GPR158: variants seen among roughly 807,000 people sequenced by gnomAD.
GPR158 encodes metabotropic glycine receptor.
A neutral mutation model predicts 78.2 loss-of-function variants in GPR158; 30 were observed. The ratio of observed to expected loss-of-function variants is 0.38; its 90% CI spans 0.29 to 0.52. The LOEUF is 0.52. GPR158 is among the 20% of genes least tolerant of loss of function. GPR158 has a pLI of 0.83. For missense variants in GPR158, 1,463 were observed against 1,523.5 expected, an observed-to-expected ratio of 0.96 and a Z score of 0.66; for synonymous variants, 581 against 591.1, an observed-to-expected ratio of 0.98 and a Z score of 0.25.
intron 2 of GPR158, among the ~76,000 whole-genome samples, chr10:25,296,751 T>A (rs1405297771): frequency 6.6e-6 from 1 of 152,206 alleles, no homozygotes; most frequent in Non-Finnish European, 1.5e-5. Context: ...ACTATTATTA[T>A]CTTCATTTTA....
intron 7 of GPR158, among the ~76,000 whole-genome samples, chr10:25,576,568 TGAC>T (rs1417958989): frequency 6.6e-6 from 1 of 152,108 alleles, no homozygotes; most frequent in East Asian, 1.9e-4. Context: ...TAGAGAGTAA[TGAC>T]GACCCTGAGA....
At chr10:25,216,511 C>T (rs1853217241) in intron 1 of GPR158, among the ~76,000 whole-genome samples, 2 of 152,084 alleles carry the variant, frequency 1.3e-5, no homozygotes, top group Non-Finnish European at 2.9e-5. Flanking sequence ...CCTTGCTTCT[C>T]TCATGTCTGT....
At chr10:25,364,304 C>T (rs1855686599) in intron 2 of GPR158, among the ~76,000 whole-genome samples, 1 of 151,892 alleles carries the variant, frequency 6.6e-6, no homozygotes, top group African/African-American at 2.4e-5. Context: ...TAAAGAATGT[C>T]ATGACCAGGG....
chr10:25,418,326 C>T (rs983771469), intron 4 of GPR158, among the ~76,000 whole-genome samples: 1 of 152,128 alleles, frequency 6.6e-6, no homozygotes, highest in Non-Finnish European at 1.5e-5. Flanking sequence ...AACATTTTAT[C>T]ATTTTAAATG....
chr10:25,493,815 C>T (rs1379967198), intron 5 of GPR158, among the ~76,000 whole-genome samples: 1 of 152,114 alleles, frequency 6.6e-6, no homozygotes, highest in Non-Finnish European at 1.5e-5. Context: ...TTAGTCAGAT[C>T]CAGATTGTTT....
rs201566089 is a variant in GPR158, at chr10:25,228,319, TAA to T, written c.1008+7164_1008+7165del. ...AAACATTAGAAAATTCTAAAATATA[TAA>T]ATATAATTCTAAAATATAATTCATA... is the stretch of plus-strand genomic sequence containing the variant. On this transcript the variant is annotated intron_variant, in intron 2 of 10. Coordinates refer to ENST00000376351, the MANE Select transcript of GPR158 (RefSeq NM_020752.3). Among the ~76,000 whole-genome samples the T allele has an allele frequency of 9.7e-3, 1,472 of 151,802 alleles. 17 individuals carry two copies. The highest frequency in any genetic ancestry group is 0.039 in the South Asian group (190 of 4,822).
intron 5 of GPR158, among the ~76,000 whole-genome samples, chr10:25,536,739 A>T (rs1285634333): frequency 6.6e-6 from 1 of 152,208 alleles, no homozygotes; most frequent in Non-Finnish European, 1.5e-5. Flanking sequence ...TGCACAGATT[A>T]AACTGAAAGA....
intron 1 of GPR158, among the ~76,000 whole-genome samples, chr10:25,211,607 A>G (rs2130670077): frequency 6.6e-6 from 1 of 152,246 alleles, no homozygotes; most frequent in South Asian, 2.1e-4. Context: ...ATCTCTTATC[A>G]CCGTTGCACT....
intron 2 of GPR158, among the ~76,000 whole-genome samples, chr10:25,277,893 T>A (rs1854206954): frequency 1.3e-5 from 2 of 152,290 alleles, no homozygotes; most frequent in South Asian, 4.1e-4. Context: ...CTCATCCAGA[T>A]GTGGAGTTTG....
intron 5 of GPR158, among the ~76,000 whole-genome samples, chr10:25,473,956 G>C (rs1835546278): frequency 6.6e-6 from 1 of 152,104 alleles, no homozygotes; most frequent in African/African-American, 2.4e-5. Context: ...AATGGACTTT[G>C]CTGATATGAT....
At chr10:25,568,156 G>C (rs1333397896) in intron 6 of GPR158, among the ~76,000 whole-genome samples, 1 of 152,042 alleles carries the variant, frequency 6.6e-6, no homozygotes, top group African/African-American at 2.4e-5. Context: ...TTTTGTTTCA[G>C]GCCCTGCTGA....
At chr10:25,347,440 A>T (rs1855386151) in intron 2 of GPR158, among the ~76,000 whole-genome samples, 1 of 152,012 alleles carries the variant, frequency 6.6e-6, no homozygotes, top group African/African-American at 2.4e-5. Flanking sequence ...TTACCATGTA[A>T]GGCAGCGTAT....
chr10:25,417,557 T>C (rs1834680104), intron 4 of GPR158, among the ~76,000 whole-genome samples: 2 of 152,302 alleles, frequency 1.3e-5, no homozygotes. Flanking sequence ...TATAAACTTT[T>C]ATAAATACTG....
intron 3 of GPR158, among the ~76,000 whole-genome samples, chr10:25,407,541 C>T (rs1450420727): frequency 1.3e-5 from 2 of 152,126 alleles, no homozygotes; most frequent in Non-Finnish European, 2.9e-5. Context: ...ACTTCCTTAA[C>T]CTGACATGTC....
intron 1 of GPR158, among the ~76,000 whole-genome samples, chr10:25,213,928 G>T (rs1258861851): frequency 6.6e-6 from 1 of 151,890 alleles, no homozygotes; most frequent in Non-Finnish European, 1.5e-5. Flanking sequence ...TCTTCATTCT[G>T]CATATTATTT....
At chr10:25,567,130 T>G (rs1274995307) in intron 6 of GPR158, among the ~76,000 whole-genome samples, 2 of 152,078 alleles carry the variant, frequency 1.3e-5, no homozygotes, top group Non-Finnish European at 2.9e-5. Flanking sequence ...AGGATATATA[T>G]TTTCATTCCT....
At chr10:25,471,673 A>T (rs530479497) in intron 5 of GPR158, among the ~76,000 whole-genome samples, 1 of 152,198 alleles carries the variant, frequency 6.6e-6, no homozygotes, top group African/African-American at 2.4e-5. Context: ...GTGAGATGGT[A>T]TCTCATTGTG....
intron 5 of GPR158, among the ~76,000 whole-genome samples, chr10:25,549,154 C>T (rs182878061): frequency 6.6e-5 from 10 of 152,170 alleles, no homozygotes; most frequent in Non-Finnish European, 1.2e-4. Context: ...TTACATATTC[C>T]AGACTTCAGA....
chr10:25,249,581 T>C (rs1334230552), intron 2 of GPR158, among the ~76,000 whole-genome samples: 2 of 152,012 alleles, frequency 1.3e-5, no homozygotes, highest in African/African-American at 4.8e-5. Context: ...ATGTGGATTT[T>C]GTCTTTGGTT....
Sources: allele counts gnomAD v4.1 joint callset (sites outside exome capture counted in the v4.1 genomes callset), GRCh38; gene constraint gnomAD v4.1.1; transcripts MANE v1.5; gene names NCBI Gene and HGNC (gene_info 2026-07-23, HGNC 2026-07-21).